BIRC6: variants seen among roughly 807,000 people sequenced by gnomAD.
BIRC6 encodes dual E2 ubiquitin-conjugating enzyme/E3 ubiquitin-protein ligase BIRC6.
Under a neutral mutation model 503.3 loss-of-function variants are expected in BIRC6, and 98 were observed. That is an observed-to-expected ratio of 0.19 (90% confidence interval 0.17 to 0.23). The LOEUF is 0.23. Among genes scored for constraint, BIRC6 ranks in the 10% least tolerant of loss-of-function variants. The pLI is 1.00. For missense variants in BIRC6, 5,360 were observed against 5,806.0 expected, an observed-to-expected ratio of 0.92 and a Z score of 2.50; for synonymous variants, 2,240 against 2,078.7, an observed-to-expected ratio of 1.08 and a Z score of -2.11.
intron 65 of BIRC6, among the ~76,000 whole-genome samples, chr2:32,550,699 G>A (rs1323809557): frequency 1.3e-5 from 2 of 151,990 alleles, no homozygotes; most frequent in East Asian, 3.8e-4. Flanking sequence ...GTTTTGGTCT[G>A]AAATTGACTC....
intron 1 of BIRC6, among the ~76,000 whole-genome samples, chr2:32,366,520 G>A (rs1405314646): frequency 1.3e-5 from 2 of 152,046 alleles, no homozygotes; most frequent in South Asian, 2.1e-4. Context: ...ACATTTAGTA[G>A]TCTGTCCTTA....
intron 65 of BIRC6, among the ~76,000 whole-genome samples, chr2:32,554,410 G>T (rs1321972780): frequency 6.6e-6 from 1 of 152,146 alleles, no homozygotes; most frequent in East Asian, 1.9e-4. Context: ...TAACTGGTTA[G>T]TAACGTGGTG....
chr2:32,578,169 A>G (rs1432311862), intron 66 of BIRC6, among the ~76,000 whole-genome samples: 1 of 152,208 alleles, frequency 6.6e-6, no homozygotes. Flanking sequence ...AAGGTTTACC[A>G]TATAGAGAAT....
At chr2:32,406,639 T>G in intron 9 of BIRC6, 82 bp downstream of exon 9, 1 of 956,720 alleles carries the variant, frequency 1.0e-6, no homozygotes, top group South Asian at 1.5e-5. Context: ...TAATTCTGAA[T>G]TTCTTAGTTA....
rs1241990363 is a variant in BIRC6, at chr2:32,357,496, C to G, written c.325+10C>G. The G allele has an allele frequency of 6.5e-7, 1 of 1,539,556 alleles. No homozygotes were observed. The highest frequency in any genetic ancestry group is 2.0e-5 in the Admixed American group (1 of 49,088). ...GCCTCCGCGCTCAGTGGTGAGTCTTCCGCACGCCGGGCGGGCGCGAAGCCG... is the reference window on the plus strand; with the variant it reads ...GCCTCCGCGCTCAGTGGTGAGTCTTGCGCACGCCGGGCGGGCGCGAAGCCG... On this transcript the variant is annotated intron_variant, in intron 1 of 73. Transcript: ENST00000421745. The surrounding 1 kb of genome is among the most constrained non-coding windows in gnomAD (Gnocchi z 4.9).
In BIRC6 at chr2:32,388,662, T is replaced by C. The variant is rs1384344420; in HGVS notation, c.646-88T>C. 6 of 906,896 alleles carry C rather than the reference T, an allele frequency of 6.6e-6. No homozygotes were observed. The East Asian group carries it at 1.7e-4, about 25-fold the overall frequency. 56.2% of individuals were successfully genotyped at this position (906,896 alleles called of 1,614,324 possible). ...AGAAAACTGACTTGAAACTGATGAG[T>C]GTTCTTTATTTGATAATGGTTAAGT... On this transcript the variant is annotated intron_variant, in intron 3 of 73. Transcript: ENST00000421745.
intron 66 of BIRC6, among the ~76,000 whole-genome samples, chr2:32,588,174 T>C (rs1261583766): frequency 6.6e-6 from 1 of 152,030 alleles, no homozygotes; most frequent in African/African-American, 2.4e-5. Context: ...GCCAACATGG[T>C]GAAACCCCAT....
At chr2:32,561,492 G>A (rs75048381) in intron 65 of BIRC6, among the ~76,000 whole-genome samples, 5 of 151,568 alleles carry the variant, frequency 3.3e-5, no homozygotes, top group South Asian at 2.1e-4. Context: ...TGCCCACCTC[G>A]GCCTCCCAAA....
chr2:32,443,423 C>G, intron 19 of BIRC6, 68 bp from the exon 20 acceptor site: 1 of 1,073,106 alleles, frequency 9.3e-7, no homozygotes, highest in South Asian at 1.5e-5. Context: ...AGGTACCACA[C>G]CAGGTTTAGG....
At chr2:32,449,341 CACAA>C (rs1231217543) in intron 22 of BIRC6, among the ~76,000 whole-genome samples, 5 of 152,060 alleles carry the variant, frequency 3.3e-5, no homozygotes, top group African/African-American at 1.2e-4. Flanking sequence ...AATAAGGATG[CACAA>C]ACAAAAGATA....
intron 60 of BIRC6, 54 bp from the exon 61 acceptor site, chr2:32,531,298 ATAT>A: frequency 7.1e-7 from 1 of 1,404,248 alleles, no homozygotes. Flanking sequence ...AAATGAAAGA[ATAT>A]TATAAAAATA....
intron 15 of BIRC6, among the ~76,000 whole-genome samples, chr2:32,437,082 G>T (rs545632311): frequency 1.3e-5 from 2 of 151,748 alleles, no homozygotes; most frequent in East Asian, 1.9e-4. Flanking sequence ...TGGAGGCGGG[G>T]TTTCATCATG....
At chr2:32,476,431 T>C (rs1019601961) in intron 34 of BIRC6, 87 bp downstream of exon 34, 1 of 1,382,292 alleles carries the variant, frequency 7.2e-7, no homozygotes, top group African/African-American at 1.5e-5. Context: ...TAAATATACA[T>C]TACTCTGCTT....
intron 59 of BIRC6, 86 bp from the exon 60 acceptor site, chr2:32,529,565 T>C (rs1177317568): frequency 8.1e-7 from 1 of 1,231,188 alleles, no homozygotes; most frequent in East Asian, 2.6e-5. Flanking sequence ...AACTCTTGCC[T>C]GTAATTTAGT....
intron 66 of BIRC6, among the ~76,000 whole-genome samples, chr2:32,584,286 T>G: frequency 6.6e-6 from 1 of 152,186 alleles, no homozygotes; most frequent in East Asian, 1.9e-4. Flanking sequence ...TCCCAGCCCT[T>G]CGGGAGGCCA....
At chr2:32,496,811 C>CAG (rs1228221729) in intron 45 of BIRC6, among the ~76,000 whole-genome samples, 2 of 152,144 alleles carry the variant, frequency 1.3e-5, no homozygotes, top group Admixed American at 1.3e-4. Flanking sequence ...GCCATATTGT[C>CAG]AGAGAATACG....
chr2:32,569,725 C>A (rs988881279), intron 65 of BIRC6, among the ~76,000 whole-genome samples: 1 of 150,000 alleles, frequency 6.7e-6, no homozygotes, highest in Non-Finnish European at 1.5e-5. Context: ...TTGATTTAAT[C>A]CTTGGCTAGA....
At chr2:32,375,268 A>C (rs918043022) in intron 1 of BIRC6, among the ~76,000 whole-genome samples, 3 of 152,068 alleles carry the variant, frequency 2.0e-5, no homozygotes, top group Non-Finnish European at 4.4e-5. Flanking sequence ...TAGTGCAGTG[A>C]CTAGATCTTT....
chr2:32,375,245 T>A (rs548975212), intron 1 of BIRC6, among the ~76,000 whole-genome samples: 73 of 152,326 alleles, frequency 4.8e-4, no homozygotes, highest in African/African-American at 1.7e-3. Flanking sequence ...TTGCCTTTTA[T>A]ATCCTGATTT....
Sources: gnomAD v4.1 joint callset for allele counts (sites outside exome capture counted in the v4.1 genomes callset) on GRCh38, gnomAD v4.1.1 for gene constraint, Gnocchi (gnomAD v3.1) non-coding constraint, MANE v1.5 for transcripts, NCBI Gene and HGNC (gene_info 2026-07-23, HGNC 2026-07-21) for gene names.